DET1: variants seen among roughly 807,000 people sequenced by gnomAD.
DET1 encodes DET1 homolog.
In DET1, 22 loss-of-function variants were observed where a neutral mutation model predicts 43.7. The observed-to-expected ratio is 0.50, with a 90% confidence interval of 0.36 to 0.72. DET1 has a LOEUF of 0.72. DET1 is among the 30% of genes least tolerant of loss of function. DET1 has a pLI of 0.00. For synonymous variants in DET1, 315 were observed against 266.2 expected, an observed-to-expected ratio of 1.18 and a Z score of -1.79; for missense variants, 713 against 713.3, an observed-to-expected ratio of 1.00 and a Z score of 0.00.
intron 3 of DET1, among the ~76,000 whole-genome samples, chr15:88,521,319 T>C (rs1239431169): frequency 6.6e-6 from 1 of 152,256 alleles, no homozygotes; most frequent in Non-Finnish European, 1.5e-5. Flanking sequence ...GTGAAGCCTA[T>C]GCTGACAACT....
intron 8 of DET1, chr15:88,502,234 C>CT (rs1163227888): frequency 3.9e-5 from 6 of 152,184 alleles, no homozygotes; most frequent in African/African-American, 1.2e-4. Flanking sequence ...CTTTTAAAGA[C>CT]TAGGGCAAAG....
At chr15:88,509,504 T>C (rs2056175068), downstream of DET1, among the ~76,000 whole-genome samples, 1 of 152,220 alleles carries the variant, frequency 6.6e-6, no homozygotes, top group South Asian at 2.1e-4. Flanking sequence ...TTTTCAGCTG[T>C]TCAGAGACAG....
intron 1 of DET1, among the ~76,000 whole-genome samples, chr15:88,538,790 G>A (rs563312846): frequency 6.6e-6 from 1 of 152,320 alleles, no homozygotes; most frequent in South Asian, 2.1e-4. Flanking sequence ...CCGGAGGAGA[G>A]TGGATCGACT....
downstream of DET1, among the ~76,000 whole-genome samples, chr15:88,511,839 C>T (rs2056205233): frequency 6.6e-6 from 1 of 152,212 alleles, no homozygotes; most frequent in African/African-American, 2.4e-5. Context: ...GTCTGGATGG[C>T]AGAGGAAATA....
At chr15:88,508,280 A>G (rs572594632), downstream of DET1, among the ~76,000 whole-genome samples, 3 of 152,316 alleles carry the variant, frequency 2.0e-5, no homozygotes, top group African/African-American at 7.2e-5. Context: ...CCTGTGCCCA[A>G]CCTGTGGAAA....
chr15:88,524,150 C>A (rs972575972), intron 3 of DET1, among the ~76,000 whole-genome samples: 1 of 150,200 alleles, frequency 6.7e-6, no homozygotes, highest in Non-Finnish European at 1.5e-5. Flanking sequence ...ATGTAAGGAG[C>A]GCCTCTGTCC....
chr15:88,507,359 C>G (rs2056152379), intron 7 of DET1, among the ~76,000 whole-genome samples: 1 of 152,194 alleles, frequency 6.6e-6, no homozygotes, highest in Non-Finnish European at 1.5e-5. Flanking sequence ...CCACCACCCA[C>G]CCCACTAACG....
intron 1 of DET1, among the ~76,000 whole-genome samples, chr15:88,540,070 A>C: frequency 1.3e-5 from 2 of 150,180 alleles, no homozygotes; most frequent in East Asian, 2.0e-4. Context: ...CCTGCCCCCT[A>C]CTCTGCACAT....
At chr15:88,511,930 G>A (rs530067548), downstream of DET1, among the ~76,000 whole-genome samples, 2 of 152,266 alleles carry the variant, frequency 1.3e-5, no homozygotes, top group Admixed American at 6.5e-5. Context: ...TTCAAAGTCA[G>A]ATGTTACTAA....
At chr15:88,542,728 C>G (rs1207742662) in intron 1 of DET1, among the ~76,000 whole-genome samples, 1 of 152,160 alleles carries the variant, frequency 6.6e-6, no homozygotes, top group African/African-American at 2.4e-5. Context: ...TTACTAATGG[C>G]TATCCAAGAG....
chr15:88,511,575 T>A (rs1420533565), downstream of DET1: 1 of 985,382 alleles, frequency 1.0e-6, no homozygotes, highest in Non-Finnish European at 1.2e-6. Flanking sequence ...CCTTCATCTG[T>A]CTCCACTGTC....
At chr15:88,533,270 T>A (rs565790205) in intron 1 of DET1, among the ~76,000 whole-genome samples, 10 of 152,178 alleles carry the variant, frequency 6.6e-5, no homozygotes, top group East Asian at 3.9e-4. Context: ...CTGCTTTTTT[T>A]AAAAAAAGAA....
At chr15:88,536,218 C>A in intron 1 of DET1, 1 of 684,586 alleles carries the variant, frequency 1.5e-6, no homozygotes, top group South Asian at 1.6e-5. Context: ...CCTCAGAAAT[C>A]TTCCCCAGGC....
In DET1 at chr15:88,535,766, AAAAG is replaced by A. The variant is rs562922730; in HGVS notation, c.-10-4055_-10-4052del. On this transcript the variant is annotated intron_variant, in intron 1 of 4. Coordinates refer to ENST00000268148, the MANE Select transcript of DET1 (RefSeq NM_001144074.3). The stretch of plus-strand genomic sequence containing the variant: ...GTGAGACTCTGTCAAAAGAAAGAAA[AAAAG>A]AAAGAAAGAAAGGAAGGAAGGGGAA... Among the ~76,000 whole-genome samples, 572 of 148,766 alleles carry A rather than the reference AAAAG, an allele frequency of 3.8e-3. 6 individuals are homozygous for A. In the South Asian group the frequency reaches 0.04, roughly 10 times the overall value.
downstream of DET1, among the ~76,000 whole-genome samples, chr15:88,509,293 G>C (rs2142246985): frequency 6.6e-6 from 1 of 152,294 alleles, no homozygotes; most frequent in South Asian, 2.1e-4. Flanking sequence ...TGAGATTATA[G>C]GTCTGAGCCA....
In DET1 at chr15:88,504,603, G is replaced by A. The variant is rs1184705936; in HGVS notation, c.*2066-616C>T. On this transcript the variant is annotated intron_variant and NMD_transcript_variant, in intron 7 of 8. Coordinates refer to the DET1 transcript ENST00000557842. The surrounding 1 kb of genome is among the most constrained non-coding windows in gnomAD (Gnocchi z 4.7). The stretch of plus-strand genomic sequence containing the variant: ...AATTCCTGGAGATAGCAAACAACTT[G>A]CCTGAGAACACGTCTTTCATATGCA... 6.6e-6 allele frequency: 1 copy of A among 152,130 alleles called. No individual in the cohort carries two copies. The highest frequency in any genetic ancestry group is 1.9e-4 in the East Asian group (1 of 5,192). The allele number at this position is 152,130 out of a possible 1,614,324, so 9.4% of individuals were successfully genotyped here.
chr15:88,517,196 T>C (rs1004351722), intron 3 of DET1, among the ~76,000 whole-genome samples: 2 of 151,736 alleles, frequency 1.3e-5, no homozygotes, highest in Admixed American at 6.6e-5. Context: ...AAACAACAAA[T>C]TACTTTAGAA....
chr15:88,534,959 T>C (rs1330530182), intron 1 of DET1, among the ~76,000 whole-genome samples: 2 of 152,164 alleles, frequency 1.3e-5, no homozygotes, highest in East Asian at 3.8e-4. Flanking sequence ...GAAAAGACAA[T>C]TGACAGACAC....
In DET1 at chr15:88,531,037, G is replaced by A. The variant is rs747416619; in HGVS notation, c.669C>T (p.Tyr223=). The change falls in exon 2 of 5, where the codon TAC becomes TAT. Residue 223 remains tyrosine, a synonymous_variant. Coordinates refer to ENST00000268148, the MANE Select transcript of DET1 (RefSeq NM_001144074.3). The surrounding 1 kb of genome is among the most constrained non-coding windows in gnomAD (Gnocchi z 6.2). ...KVVLSHNQGL[Y]LYKNILAILS... ...AGATGGCCAGGATGTTTTTGTACAAGTACAGCCCTTGGTTGTGTGACAAGA... is the reference window on the plus strand; with the variant it reads ...AGATGGCCAGGATGTTTTTGTACAAATACAGCCCTTGGTTGTGTGACAAGA... 9.9e-6 allele frequency: 16 copies of A among 1,613,672 alleles called. No homozygotes were observed. Among genetic ancestry groups the A allele is most frequent in the Admixed American group, 8.3e-5 (5 of 59,966 alleles).
Sources: gnomAD v4.1 joint callset for allele counts (sites outside exome capture counted in the v4.1 genomes callset) on GRCh38, gnomAD v4.1.1 for gene constraint, Gnocchi (gnomAD v3.1) non-coding constraint, MANE v1.5 for transcripts, NCBI Gene and HGNC (gene_info 2026-07-23, HGNC 2026-07-21) for gene names.